The following SEPTIN7 variants were observed in gnomAD, a reference collection of about 807,000 sequenced individuals.
The protein encoded by SEPTIN7 is septin-7.
SEPTIN7 carries 10 observed loss-of-function variants against 63.3 expected under a neutral mutation model. The ratio of observed to expected loss-of-function variants is 0.16; its 90% CI spans 0.10 to 0.27. The LOEUF (loss-of-function observed/expected upper bound fraction) is 0.27. Ranked by LOEUF, SEPTIN7 falls within the 10% of genes least tolerant of loss-of-function variation. The pLI, the probability that SEPTIN7 is intolerant of heterozygous loss-of-function variation, is 1.00. For missense variants in SEPTIN7, 310 were observed against 521.0 expected, an observed-to-expected ratio of 0.59 and a Z score of 3.94; for synonymous variants, 131 against 165.3, an observed-to-expected ratio of 0.79 and a Z score of 1.59.
chr7:35,894,740 C>G (rs1019783646), intron 11 of SEPTIN7, among the ~76,000 whole-genome samples: 5 of 152,096 alleles, frequency 3.3e-5, no homozygotes, highest in African/African-American at 1.2e-4. Flanking sequence ...ACCACTGGAG[C>G]AAAAGTATGT....
intron 6 of SEPTIN7, 23 bp from the exon 7 acceptor site, chr7:35,879,799 CA>C (rs1786717917): frequency 1.5e-6 from 2 of 1,300,550 alleles, no homozygotes; most frequent in Admixed American, 3.9e-5. Context: ...TCAATTCAGT[CA>C]AATTAAATAC....
At chr7:35,852,093 TAATA>T (rs1398881351) in intron 3 of SEPTIN7, among the ~76,000 whole-genome samples, 1 of 152,204 alleles carries the variant, frequency 6.6e-6, no homozygotes, top group African/African-American at 2.4e-5. Context: ...ATGTGAATAG[TAATA>T]AAATACATTT....
At chr7:35,842,487 A>G (rs1249225831) in intron 3 of SEPTIN7, among the ~76,000 whole-genome samples, 1 of 152,150 alleles carries the variant, frequency 6.6e-6, no homozygotes, top group Admixed American at 6.5e-5. Context: ...TGTGGATCAA[A>G]TTTTTAGCAG....
In SEPTIN7 at chr7:35,893,440, T is replaced by C. The variant is rs146506506; in HGVS notation, c.998+2647T>C. Among the ~76,000 whole-genome samples, 383 of 152,316 alleles carry C rather than the reference T, an allele frequency of 2.5e-3. 4 individuals carry two copies. The highest frequency in any genetic ancestry group is 2.8e-3 in the Non-Finnish European group (188 of 67,998). On this transcript the variant is annotated intron_variant, in intron 11 of 13. Transcript: ENST00000350320. Reference sequence around the variant, plus strand: ...CATTGAATAGTAAAATACATTCATGTGCCACATAATGATGTTTCAGTCAAT... The same window carrying C: ...CATTGAATAGTAAAATACATTCATGCGCCACATAATGATGTTTCAGTCAAT...
intron 1 of SEPTIN7, among the ~76,000 whole-genome samples, chr7:35,804,812 A>G (rs890288116): frequency 6.6e-6 from 1 of 150,652 alleles, no homozygotes; most frequent in South Asian, 2.1e-4. Flanking sequence ...ATTATGACAA[A>G]TGGTAAGCGT....
intron 1 of SEPTIN7, among the ~76,000 whole-genome samples, chr7:35,812,797 C>T (rs1392891398): frequency 2.0e-5 from 3 of 152,094 alleles, no homozygotes; most frequent in Non-Finnish European, 2.9e-5. Flanking sequence ...ATTACTTTTA[C>T]AAAATAACTT....
downstream of SEPTIN7, among the ~76,000 whole-genome samples, chr7:35,910,155 A>T: frequency 6.6e-6 from 1 of 152,224 alleles, no homozygotes; most frequent in Non-Finnish European, 1.5e-5. Context: ...CATAAGCCAC[A>T]TGGCTTTTAT....
At chr7:35,896,162 C>G (rs1330646064) in intron 11 of SEPTIN7, among the ~76,000 whole-genome samples, 7 of 152,096 alleles carry the variant, frequency 4.6e-5, no homozygotes. Flanking sequence ...TATTTTCCCC[C>G]CTAGAGTTAT....
chr7:35,908,141 A>G (rs1788667958), downstream of SEPTIN7, among the ~76,000 whole-genome samples: 1 of 152,216 alleles, frequency 6.6e-6, no homozygotes, highest in African/African-American at 2.4e-5. Flanking sequence ...AAAATACACC[A>G]TTCTTTGTAA....
chr7:35,889,790 C>T (rs904442687), intron 10 of SEPTIN7, among the ~76,000 whole-genome samples: 3 of 152,164 alleles, frequency 2.0e-5, no homozygotes, highest in East Asian at 1.9e-4. Context: ...GCAATCTGCC[C>T]GCCCCGGCCT....
intron 6 of SEPTIN7, among the ~76,000 whole-genome samples, chr7:35,876,411 AT>A (rs145471368): frequency 6.6e-6 from 1 of 152,228 alleles, no homozygotes; most frequent in Non-Finnish European, 1.5e-5. Flanking sequence ...GGCAGTTTAA[AT>A]TTGTCATGAA....
rs920925620 is a variant in SEPTIN7, at chr7:35,801,184, G to A, written c.-26G>A. Reference sequence around the variant, plus strand: ...AGAATCGGCGGGCTGCGCTCCGCTGGGGCTGGTCGCGGAGGGGGGGAGGGG... The same window carrying A: ...AGAATCGGCGGGCTGCGCTCCGCTGAGGCTGGTCGCGGAGGGGGGGAGGGG... On this transcript the variant is annotated 5_prime_UTR_variant, in exon 1 of 14. Transcript: ENST00000350320. The A allele has an allele frequency of 5.4e-6, 8 of 1,487,216 alleles. No individual in the cohort carries two copies. In the African/African-American group the frequency reaches 1.0e-4, roughly 19 times the overall value. The allele number at this position is 1,487,216 out of a possible 1,614,324, so 92.1% of individuals were successfully genotyped here.
rs1221594866 is a variant in SEPTIN7, at chr7:35,906,893, G to A, written c.*2600G>A. On this transcript the variant is annotated 3_prime_UTR_variant, in exon 14 of 14. Coordinates refer to ENST00000350320, the MANE Select transcript of SEPTIN7 (RefSeq NM_001788.6). ...GGGAAAAAGGAAAGACGGCTTGATA[G>A]CTATGAATGCATGAGGAGCGAAATG... 6.6e-6 allele frequency: 1 copy of A among 152,238 alleles called. No homozygotes were observed. Among genetic ancestry groups the A allele is most frequent in the Non-Finnish European group, 1.5e-5 (1 of 68,044 alleles). 9.4% of individuals were successfully genotyped at this position (152,238 alleles called of 1,614,324 possible). A position where few individuals can be genotyped will look rare whatever the true frequency, so the allele number is the denominator to read the frequency against.
chr7:35,914,207 G>T, the SEPTIN7 span, among the ~76,000 whole-genome samples: 1 of 152,018 alleles, frequency 6.6e-6, no homozygotes, highest in Non-Finnish European at 1.5e-5. Context: ...TTTAAATAAT[G>T]CACACAAAAT....
intron 1 of SEPTIN7, among the ~76,000 whole-genome samples, chr7:35,806,766 T>C (rs1482275730): frequency 6.6e-6 from 1 of 152,244 alleles, no homozygotes; most frequent in African/African-American, 2.4e-5. Flanking sequence ...GTTAGTTGAC[T>C]CATTTAAAGT....
intron 7 of SEPTIN7, among the ~76,000 whole-genome samples, chr7:35,881,002 TAA>T (rs913801279): frequency 3.3e-4 from 50 of 152,074 alleles, no homozygotes; most frequent in African/African-American, 1.1e-3. Context: ...ATATAATATT[TAA>T]AAGTAGATTG....
At chr7:35,821,952 G>A (rs1055458301) in intron 1 of SEPTIN7, among the ~76,000 whole-genome samples, 25 of 152,256 alleles carry the variant, frequency 1.6e-4, no homozygotes, top group African/African-American at 5.8e-4. Context: ...TGTGTTTTTA[G>A]TAGAGACGGG....
intron 10 of SEPTIN7, among the ~76,000 whole-genome samples, chr7:35,886,374 A>G (rs1317384568): frequency 5.3e-5 from 8 of 152,168 alleles, no homozygotes; most frequent in African/African-American, 2.4e-5. Context: ...ACCTGCTGAA[A>G]GAGAAGGAAA....
In SEPTIN7 at chr7:35,906,288, C is replaced by T. The variant is rs1317803976; in HGVS notation, c.*1995C>T. On this transcript the variant is annotated 3_prime_UTR_variant, in exon 14 of 14. Coordinates refer to ENST00000350320, the MANE Select transcript of SEPTIN7 (RefSeq NM_001788.6). ...TTCAGAAGTCTTTCTTTATCCATGG[C>T]ATGCCCAGGGTTTTACCTGAATCTG... is the stretch of plus-strand genomic sequence containing the variant. 1.3e-5 allele frequency: 2 copies of T among 152,192 alleles called. No homozygotes were observed. The highest frequency in any genetic ancestry group is 2.9e-5 in the Non-Finnish European group (2 of 68,026). The allele number at this position is 152,192 out of a possible 1,614,324, so 9.4% of individuals were successfully genotyped here. A position where few individuals can be genotyped will look rare whatever the true frequency, so the allele number is the denominator to read the frequency against.
Sources: gnomAD v4.1 joint callset for allele counts (sites outside exome capture counted in the v4.1 genomes callset) on GRCh38, gnomAD v4.1.1 for gene constraint, MANE v1.5 for transcripts, NCBI Gene and HGNC (gene_info 2026-07-23, HGNC 2026-07-21) for gene names.